The following BABAM2 variants were observed in gnomAD, a reference collection of about 807,000 sequenced individuals.
The protein encoded by BABAM2 is BRISC and BRCA1 A complex member 2.
In BABAM2, 31 loss-of-function variants were observed where a neutral mutation model predicts 54.7. The observed-to-expected ratio is 0.57, with a 90% CI of 0.43 to 0.77. BABAM2 has a LOEUF of 0.77. Among genes scored for constraint, BABAM2 ranks in the 30% least tolerant of loss-of-function variants. BABAM2 has a pLI of 0.00. For missense variants in BABAM2, 364 were observed against 455.8 expected, an observed-to-expected ratio of 0.80 and a Z score of 1.83; for synonymous variants, 167 against 162.9, an observed-to-expected ratio of 1.03 and a Z score of -0.19.
intron 5 of BABAM2, among the ~76,000 whole-genome samples, chr2:28,030,705 T>A (rs1222111993): frequency 1.5e-4 from 23 of 152,178 alleles, no homozygotes; most frequent in Admixed American, 1.5e-3. Flanking sequence ...TTTTTTTGAA[T>A]CAGGGACTGT....
chr2:28,037,332 G>A (rs1385637948), intron 5 of BABAM2, among the ~76,000 whole-genome samples: 3 of 151,820 alleles, frequency 2.0e-5, no homozygotes, highest in Non-Finnish European at 4.4e-5. Flanking sequence ...CACTGTTTTG[G>A]ATCTTCCTTT....
At chr2:28,211,969 C>T (rs762756478) in intron 7 of BABAM2, among the ~76,000 whole-genome samples, 4 of 152,092 alleles carry the variant, frequency 2.6e-5, no homozygotes, top group African/African-American at 4.8e-5. Flanking sequence ...TAGTCTATAG[C>T]ATTAGATTTT....
intron 6 of BABAM2, among the ~76,000 whole-genome samples, chr2:28,053,654 G>A (rs1386502880): frequency 1.3e-5 from 2 of 152,126 alleles, no homozygotes; most frequent in Non-Finnish European, 2.9e-5. Context: ...CCATGGCTGC[G>A]CTCAGTACCT....
chr2:28,094,863 A>G (rs1666462615), intron 6 of BABAM2, among the ~76,000 whole-genome samples: 1 of 150,304 alleles, frequency 6.7e-6, no homozygotes, highest in Admixed American at 6.6e-5. Flanking sequence ...TTACTTAACA[A>G]TGCATCTTGG....
At chr2:28,112,749 T>C (rs901325742) in intron 6 of BABAM2, among the ~76,000 whole-genome samples, 4 of 152,136 alleles carry the variant, frequency 2.6e-5, no homozygotes, top group African/African-American at 9.7e-5. Context: ...GGTCAAATGG[T>C]ATTTCTAGTT....
intron 2 of BABAM2, among the ~76,000 whole-genome samples, chr2:27,912,586 T>G (rs1666682194): frequency 6.6e-6 from 1 of 152,174 alleles, no homozygotes; most frequent in African/African-American, 2.4e-5. Context: ...TTGGCAGGAA[T>G]TCAGGACGCG....
chr2:27,990,858 GA>G (rs148906558), intron 4 of BABAM2, among the ~76,000 whole-genome samples: 3,499 of 149,538 alleles, frequency 0.023, 73 homozygotes, highest in African/African-American at 0.052. Flanking sequence ...CGTTTCTGGG[GA>G]AAAAAAAAGG....
chr2:28,324,643 T>G (rs1241855403), intron 11 of BABAM2, among the ~76,000 whole-genome samples: 1 of 149,892 alleles, frequency 6.7e-6, no homozygotes, highest in Non-Finnish European at 1.5e-5. Context: ...AAAAAAAAAT[T>G]AATTAGCTGG....
chr2:28,172,943 G>A (rs543943241), intron 7 of BABAM2, among the ~76,000 whole-genome samples: 1 of 152,298 alleles, frequency 6.6e-6, no homozygotes, highest in Non-Finnish European at 1.5e-5. Flanking sequence ...CAGCCTGGTT[G>A]GTTTCTGGTG....
chr2:27,928,114 C>T (rs1180558621), intron 2 of BABAM2, among the ~76,000 whole-genome samples: 1 of 152,128 alleles, frequency 6.6e-6, no homozygotes, highest in Non-Finnish European at 1.5e-5. Flanking sequence ...CGTGTTCAAG[C>T]AATTCGCCTG....
At chr2:28,319,363 G>C (rs1048881456) in intron 11 of BABAM2, among the ~76,000 whole-genome samples, 2 of 152,260 alleles carry the variant, frequency 1.3e-5, no homozygotes, top group Non-Finnish European at 2.9e-5. Context: ...CCCTGAGTGA[G>C]CACACAGCTT....
intron 2 of BABAM2, among the ~76,000 whole-genome samples, chr2:27,906,016 G>A (rs1021850044): frequency 2.6e-5 from 4 of 152,206 alleles, no homozygotes; most frequent in East Asian, 3.8e-4. Context: ...GTCTTGAGCG[G>A]ATACATGCAA....
intron 7 of BABAM2, among the ~76,000 whole-genome samples, chr2:28,162,854 G>A (rs1673235403): frequency 6.6e-6 from 1 of 152,180 alleles, no homozygotes; most frequent in Non-Finnish European, 1.5e-5. Context: ...AGCTATACAT[G>A]TTCTCATAAA....
At chr2:28,285,291 T>C (rs1686697117) in intron 10 of BABAM2, among the ~76,000 whole-genome samples, 1 of 152,178 alleles carries the variant, frequency 6.6e-6, no homozygotes, top group Non-Finnish European at 1.5e-5. Flanking sequence ...CGAGTACACA[T>C]GCCTTCCTCA....
At chr2:28,034,741 C>G (rs541008395) in intron 5 of BABAM2, among the ~76,000 whole-genome samples, 2 of 152,244 alleles carry the variant, frequency 1.3e-5, no homozygotes, top group South Asian at 4.2e-4. Context: ...TAGGTTTAGA[C>G]AGTTTTTGGA....
At chr2:27,970,104 C>A (rs368012548) in intron 3 of BABAM2, among the ~76,000 whole-genome samples, 57 of 152,024 alleles carry the variant, frequency 3.7e-4, no homozygotes, top group African/African-American at 1.3e-3. Context: ...AGTCTATATG[C>A]TATATTTTTT....
intron 3 of BABAM2, among the ~76,000 whole-genome samples, chr2:27,985,486 G>A (rs988587733): frequency 4.3e-4 from 65 of 152,196 alleles, no homozygotes; most frequent in African/African-American, 1.6e-3. Context: ...GTGATGTTGA[G>A]CATTTTTTCA....
At chr2:28,221,269 G>A (rs1181573407) in intron 7 of BABAM2, among the ~76,000 whole-genome samples, 1 of 152,090 alleles carries the variant, frequency 6.6e-6, no homozygotes, top group African/African-American at 2.4e-5. Context: ...CTTCTTCCCT[G>A]TGCTGGCATT....
At chr2:28,186,469 G>T (rs1462512914) in intron 7 of BABAM2, among the ~76,000 whole-genome samples, 2 of 152,076 alleles carry the variant, frequency 1.3e-5, no homozygotes, top group South Asian at 2.1e-4. Flanking sequence ...AAGATGAGAA[G>T]TACATTCTAA....
Sources: gnomAD v4.1 joint callset for allele counts (sites outside exome capture counted in the v4.1 genomes callset) on GRCh38, gnomAD v4.1.1 for gene constraint, MANE v1.5 for transcripts, NCBI Gene and HGNC (gene_info 2026-07-23, HGNC 2026-07-21) for gene names.